The following GRIK2 variants were observed in gnomAD, a reference collection of about 807,000 sequenced individuals.
The protein encoded by GRIK2 is glutamate receptor ionotropic, kainate 2.
In GRIK2, 32 loss-of-function variants were observed where a neutral mutation model predicts 100.3. The observed-to-expected ratio is 0.32, with a 90% confidence interval of 0.24 to 0.43. The LOEUF (loss-of-function observed/expected upper bound fraction) is 0.43. Ranked by LOEUF, GRIK2 falls within the 20% of genes least tolerant of loss-of-function variation. The probability of loss-of-function intolerance (pLI) is 1.00; values close to 1 mark genes in which losing one functional copy is unlikely to be tolerated. For synonymous variants in GRIK2, 417 were observed against 389.4 expected (o/e 1.07, Z -0.83); for missense variants, 843 against 1,114.9 (o/e 0.76, Z 3.47).
intron 12 of GRIK2, among the ~76,000 whole-genome samples, chr6:101,903,795 A>AAC (rs397716744): frequency 6.6e-6 from 1 of 151,020 alleles, no homozygotes; most frequent in Non-Finnish European, 1.5e-5. Flanking sequence ...AAAAAAAAAA[A>AAC]TAATAGTTGG....
chr6:101,471,320 C>T (rs571673356), intron 2 of GRIK2, among the ~76,000 whole-genome samples: 23 of 152,118 alleles, frequency 1.5e-4, no homozygotes, highest in Middle Eastern at 3.4e-3. Context: ...TAAGAAAATG[C>T]TATTGGGTCA....
chr6:101,969,109 A>T (rs1792878130), intron 14 of GRIK2, among the ~76,000 whole-genome samples: 1 of 152,034 alleles, frequency 6.6e-6, no homozygotes, highest in African/African-American at 2.4e-5. Context: ...ATAACATGTT[A>T]TAGAAGTAGG....
intron 2 of GRIK2, among the ~76,000 whole-genome samples, chr6:101,568,044 T>C (rs1777363273): frequency 6.6e-6 from 1 of 152,042 alleles, no homozygotes; most frequent in South Asian, 2.1e-4. Context: ...TTTGTAAAAA[T>C]AATCTTGGGA....
intron 2 of GRIK2, among the ~76,000 whole-genome samples, chr6:101,469,405 T>C (rs1432118088): frequency 6.6e-6 from 1 of 152,208 alleles, no homozygotes; most frequent in African/African-American, 2.4e-5. Context: ...TCTTTTCTTC[T>C]TTCTTCTAGA....
rs1238680206 is a variant in GRIK2 at position 101,450,669 on chromosome 6, C to G, written c.115+51277C>G. The stretch of plus-strand genomic sequence containing the variant: ...CATAATAGAGTTCATCCTTTTTATC[C>G]TGCTATTTAATGTACTTTGATATGG... On this transcript the variant is annotated intron_variant, in intron 2 of 16. Transcript: ENST00000369134. Among the ~76,000 whole-genome samples the G allele has an allele frequency of 2.6e-5, 4 of 151,456 alleles. No homozygotes were observed. In the Admixed American group the frequency reaches 2.6e-4, roughly 10 times the overall value.
At chr6:101,892,904 G>A (rs1210279266) in intron 12 of GRIK2, among the ~76,000 whole-genome samples, 3 of 151,148 alleles carry the variant, frequency 2.0e-5, no homozygotes. Context: ...AGCAAAGTCT[G>A]AATATGGTCA....
intron 10 of GRIK2, among the ~76,000 whole-genome samples, chr6:101,832,907 C>T (rs1027759253): frequency 3.9e-5 from 6 of 151,960 alleles, no homozygotes; most frequent in Admixed American, 2.0e-4. Flanking sequence ...CTCAACTTTC[C>T]GATGAAATTC....
chr6:101,484,634 TTAAGA>T (rs1226061574), intron 2 of GRIK2, among the ~76,000 whole-genome samples: 3 of 151,988 alleles, frequency 2.0e-5, no homozygotes, highest in East Asian at 3.9e-4. Flanking sequence ...GTAGGTAATG[TTAAGA>T]TAATATTGAA....
At chr6:101,951,800 C>T (rs972898756) in intron 14 of GRIK2, among the ~76,000 whole-genome samples, 1 of 152,284 alleles carries the variant, frequency 6.6e-6, no homozygotes, top group Admixed American at 6.5e-5. Context: ...TTTTGTCTTC[C>T]ACCATGATTG....
chr6:101,542,578 CATATT>C (rs757816940), intron 2 of GRIK2, among the ~76,000 whole-genome samples: 5 of 152,018 alleles, frequency 3.3e-5, no homozygotes, highest in Non-Finnish European at 7.4e-5. Context: ...CATAAAAGAT[CATATT>C]ATAGTTTGTA....
chr6:101,789,581 C>A (rs951633202), intron 7 of GRIK2, among the ~76,000 whole-genome samples: 2 of 152,068 alleles, frequency 1.3e-5, no homozygotes, highest in Non-Finnish European at 2.9e-5. Context: ...GTTTTGGTAC[C>A]AGTACCATGC....
intron 2 of GRIK2, among the ~76,000 whole-genome samples, chr6:101,415,116 C>T (rs1050215330): frequency 6.6e-6 from 1 of 151,830 alleles, no homozygotes; most frequent in African/African-American, 2.4e-5. Flanking sequence ...GCTATAATCA[C>T]TGTTATCATT....
chr6:101,444,794 T>C (rs1770272084), intron 2 of GRIK2, among the ~76,000 whole-genome samples: 1 of 152,108 alleles, frequency 6.6e-6, no homozygotes, highest in South Asian at 2.1e-4. Flanking sequence ...TGAATCATGA[T>C]CATTTCTCCC....
intron 10 of GRIK2, among the ~76,000 whole-genome samples, chr6:101,819,432 T>TA (rs139523322): frequency 0.018 from 2,816 of 152,270 alleles, 87 homozygotes; most frequent in African/African-American, 0.064. Context: ...TAGCTTGGGT[T>TA]AAAGCCTTTT....
At chr6:101,471,404 C>T (rs916080539) in intron 2 of GRIK2, among the ~76,000 whole-genome samples, 1 of 152,048 alleles carries the variant, frequency 6.6e-6, no homozygotes, top group Non-Finnish European at 1.5e-5. Flanking sequence ...CCTATTACTT[C>T]ACTATGATTG....
chr6:101,858,631 T>C (rs983814756), intron 10 of GRIK2, among the ~76,000 whole-genome samples: 3 of 151,906 alleles, frequency 2.0e-5, no homozygotes, highest in Admixed American at 6.6e-5. Flanking sequence ...CCTCGTGATC[T>C]GCCCGCCTTG....
chr6:101,515,159 C>A (rs1199121261), intron 2 of GRIK2, among the ~76,000 whole-genome samples: 1 of 152,050 alleles, frequency 6.6e-6, no homozygotes, highest in African/African-American at 2.4e-5. Flanking sequence ...TTGGTTTTTC[C>A]TTTCCTGACT....
chr6:101,882,560 CT>C (rs200808401), intron 11 of GRIK2, among the ~76,000 whole-genome samples: 420 of 147,776 alleles, frequency 2.8e-3, no homozygotes, highest in Non-Finnish European at 4.2e-3. Context: ...AAATCTATTA[CT>C]TTTTTTTTTT....
chr6:102,065,102 C>T (rs116602129), intron 16 of GRIK2, among the ~76,000 whole-genome samples: 6 of 151,068 alleles, frequency 4.0e-5, no homozygotes, highest in East Asian at 1.9e-4. Context: ...ATTATGTAAT[C>T]GAGACCATTG....
Sources: gnomAD v4.1 joint callset for allele counts (sites outside exome capture counted in the v4.1 genomes callset) on GRCh38, gnomAD v4.1.1 for gene constraint, MANE v1.5 for transcripts, NCBI Gene and HGNC (gene_info 2026-07-23, HGNC 2026-07-21) for gene names.